The following PRDM8 variants were observed in gnomAD, a reference collection of about 807,000 sequenced individuals.
The protein encoded by PRDM8 is PR domain zinc finger protein 8.
In PRDM8, 13 loss-of-function variants were observed where a neutral mutation model predicts 46.5. The ratio of observed to expected loss-of-function variants is 0.28; its 90% CI spans 0.18 to 0.44. The LOEUF (loss-of-function observed/expected upper bound fraction) is 0.44, where lower values mean the gene tolerates loss of function less well. PRDM8 is among the 20% of genes least tolerant of loss of function. PRDM8 has a pLI of 1.00. For synonymous variants in PRDM8, 473 were observed against 438.4 expected (o/e 1.08, Z -0.98); for missense variants, 998 against 955.0 (o/e 1.04, Z -0.59).
chr4:80,190,107 T>C (rs1469311531), intron 1 of PRDM8: 1 of 152,108 alleles, frequency 6.6e-6, no homozygotes, highest in African/African-American at 2.4e-5. Flanking sequence ...TAGTAAGAAA[T>C]GGGAACACAG....
upstream of PRDM8, chr4:80,196,445 A>G (rs1393162687): frequency 1.0e-6 from 1 of 985,350 alleles, no homozygotes; most frequent in Admixed American, 6.1e-5. Context: ...AGGCTGTTAA[A>G]GACCTCAAGT....
Position 80,202,186 on chromosome 4 carries a change from G to A in PRDM8, c.724G>A (p.Glu242Lys). 1 of 1,611,978 alleles carries A rather than the reference G, an allele frequency of 6.2e-7. No homozygotes were observed. The highest frequency in any genetic ancestry group is 1.1e-5 in the South Asian group (1 of 91,052). ...CCACCACTACCCATCCCCCTCCCCG[G>A]AAAGCAGCAACCCATCCGCTGCCGC... ...PLHHYPSPSP[E>K]SSNPSAAAGG... is the part of the protein sequence containing the mutation. Residue 242 changes from glutamate to lysine, a missense_variant, in exon 4 of 4, where the codon GAA becomes AAA. Transcript: ENST00000415738.
At chr4:80,199,003 T>G (rs1451921641) in intron 1 of PRDM8, among the ~76,000 whole-genome samples, 20 of 119,440 alleles carry the variant, frequency 1.7e-4, no homozygotes, top group South Asian at 1.3e-3. Flanking sequence ...TGTTTTTTTT[T>G]TTTTTTTTTT....
intron 1 of PRDM8, 117 bp downstream of exon 1, chr4:80,197,880 T>C (rs1455877299): frequency 2.3e-6 from 2 of 872,516 alleles, no homozygotes; most frequent in African/African-American, 3.7e-5. Flanking sequence ...AAATAATTCT[T>C]GAGGGGCTGT....
upstream of PRDM8, among the ~76,000 whole-genome samples, chr4:80,193,593 A>G (rs534892361): frequency 5.3e-5 from 8 of 152,332 alleles, no homozygotes; most frequent in African/African-American, 1.7e-4. Flanking sequence ...AGTAGTCAGT[A>G]AAGTTTATCC....
upstream of PRDM8, chr4:80,196,261 C>T: frequency 1.0e-6 from 1 of 961,546 alleles, no homozygotes. Context: ...CTAATGCTGA[C>T]AGATTGCCCA....
rs1189745965 is a variant in PRDM8 at position 80,204,255 on chromosome 4, T to C, written c.*723T>C. On this transcript the variant is annotated 3_prime_UTR_variant, in exon 4 of 4. Coordinates refer to ENST00000415738, the MANE Select transcript of PRDM8 (RefSeq NM_001099403.2). Reference sequence around the variant, plus strand: ...TATGTGTTTCTTTTATCCCTGGAAATATTTATTAAACTTTATAGTTTATCC... The same window carrying C: ...TATGTGTTTCTTTTATCCCTGGAAACATTTATTAAACTTTATAGTTTATCC... The C allele has an allele frequency of 1.3e-5, 2 of 152,684 alleles. No homozygotes were observed. Among genetic ancestry groups the C allele is most frequent in the Admixed American group, 1.3e-4 (2 of 15,286 alleles). 9.5% of individuals were successfully genotyped at this position (152,684 alleles called of 1,614,324 possible).
chr4:80,196,066 A>G (rs1346548789), upstream of PRDM8: 7 of 985,284 alleles, frequency 7.1e-6, no homozygotes, highest in Non-Finnish European at 8.4e-6. Flanking sequence ...TCAAAGCCTC[A>G]ATACCCCACT....
intron 1 of PRDM8, among the ~76,000 whole-genome samples, chr4:80,187,248 G>GT (rs111488766): frequency 0.069 from 6,473 of 93,748 alleles, 1,052 homozygotes; most frequent in East Asian, 0.32. Flanking sequence ...CTGCCCTGGG[G>GT]CGGGGGGAAG....
rs1738760527 is a variant in PRDM8 at position 80,203,657 on chromosome 4, A to ACCCCCCC, written c.*127_*128insCCCCCCC. The ACCCCCCC allele has an allele frequency of 7.3e-7, 1 of 1,361,240 alleles. No individual in the cohort carries two copies. The highest frequency in any genetic ancestry group is 1.6e-5 in the African/African-American group (1 of 61,290). The allele number at this position is 1,361,240 out of a possible 1,614,324, so 84.3% of individuals were successfully genotyped here. A position where few individuals can be genotyped will look rare whatever the true frequency, so the allele number is the denominator to read the frequency against. On this transcript the variant is annotated 3_prime_UTR_variant, in exon 4 of 4. Coordinates refer to ENST00000415738, the MANE Select transcript of PRDM8 (RefSeq NM_001099403.2). ...ACCCTGCACAAAGACACATACATTC[A>ACCCCCCC]CCGCCCCCCCGCCCCCCCAACGCGC...
At chr4:80,198,594 T>A (rs1738148663) in intron 1 of PRDM8, among the ~76,000 whole-genome samples, 1 of 152,190 alleles carries the variant, frequency 6.6e-6, no homozygotes, top group Admixed American at 6.5e-5. Context: ...TTCTGCTGTC[T>A]GGGAGATACA....
At chr4:80,196,280 T>C (rs77945317), upstream of PRDM8, 5 of 971,560 alleles carry the variant, frequency 5.1e-6, no homozygotes, top group Non-Finnish European at 6.1e-6. Flanking sequence ...CACTTCAAAG[T>C]AGTGGTGGTG....
At chr4:80,197,081 G>A (rs1024264589), upstream of PRDM8, 1 of 985,464 alleles carries the variant, frequency 1.0e-6, no homozygotes, top group Non-Finnish European at 1.2e-6. Context: ...GGAGCTAACC[G>A]CACCCCTCTC....
At chr4:80,190,481 G>T (rs1737459930) in intron 1 of PRDM8, among the ~76,000 whole-genome samples, 1 of 152,208 alleles carries the variant, frequency 6.6e-6, no homozygotes. Context: ...GTTCTGCCCT[G>T]GTAGCCTCCT....
chr4:80,203,470 A>C lies in PRDM8; in HGVS notation c.2008A>C (p.Ile670Leu). The C allele has an allele frequency of 1.9e-6, 3 of 1,613,518 alleles. No homozygotes were observed. The highest frequency in any genetic ancestry group is 2.5e-6 in the Non-Finnish European group (3 of 1,179,816). ...RRREEKLKCP[I>L]CNESFRERHH... The stretch of plus-strand genomic sequence containing the variant: ...GCGAGAGGAGAAACTCAAGTGCCCC[A>C]TCTGCAATGAGTCCTTCAGGGAGCG... The change falls in exon 4 of 4, where the codon ATC (isoleucine) becomes CTC (leucine). Residue 670 changes from isoleucine (I) to leucine (L), a missense_variant. Ile to Leu is a conservative substitution (Grantham distance 5). Transcript: ENST00000415738.
upstream of PRDM8, chr4:80,194,122 G>A (rs1737766653): frequency 1.3e-6 from 1 of 744,306 alleles, no homozygotes; most frequent in Non-Finnish European, 1.6e-6. Flanking sequence ...GGTCATAAAA[G>A]CCACCTGGGG....
chr4:80,200,365 A>C (rs1738348313), intron 2 of PRDM8, 66 bp downstream of exon 2: 2 of 1,406,272 alleles, frequency 1.4e-6, no homozygotes, highest in Non-Finnish European at 2.0e-6. Context: ...GACTAAAAAT[A>C]ATTATAATGA....
In PRDM8 at chr4:80,201,311, G is replaced by C; in HGVS notation, c.241G>C (p.Gly81Arg). ...GCAGGTAGACACCTCAGCAGCAAAT[G>C]GTTCCTCAGAAGGTCTCATGTGGCT... ...IFRVDTSAAN[G>R]SSEGLMWLRL... is the part of the protein sequence containing the mutation. The change falls in exon 3 of 4, where the codon GGT (glycine) becomes CGT (arginine). Residue 81 changes from glycine (G) to arginine (R), a missense_variant. Transcript: ENST00000415738. 1 of 1,614,188 alleles carries C rather than the reference G, an allele frequency of 6.2e-7. No homozygotes were observed. Among genetic ancestry groups the C allele is most frequent in the East Asian group, 2.2e-5 (1 of 44,882 alleles).
rs1341061840 is a variant in PRDM8 at position 80,203,094 on chromosome 4, T to C, written c.1632T>C (p.Pro544=). The C allele has an allele frequency of 1.3e-6, 2 of 1,572,876 alleles. No homozygotes were observed. The highest frequency in any genetic ancestry group is 1.1e-5 in the South Asian group (1 of 87,654). ...GACTCTATCCCGCCGCCGCGGACCC[T>C]CTAGCGGTGAAGCTCCAGGGGGCCG... ...PTRLYPAAAD[P]LAVKLQGAAD... is the part of the protein sequence containing the mutation. The change falls in exon 4 of 4, where the codon CCT becomes CCC. Residue 544 remains proline, a synonymous_variant. Coordinates refer to ENST00000415738, the MANE Select transcript of PRDM8 (RefSeq NM_001099403.2).
Sources: allele counts gnomAD v4.1 joint callset (sites outside exome capture counted in the v4.1 genomes callset), GRCh38; gene constraint gnomAD v4.1.1; transcripts MANE v1.5; gene names NCBI Gene and HGNC (gene_info 2026-07-23, HGNC 2026-07-21).